AMOTL1: variants seen among roughly 807,000 people sequenced by gnomAD.
AMOTL1 encodes angiomotin-like protein 1.
Under a neutral mutation model 102.9 loss-of-function variants are expected in AMOTL1, and 45 were observed. The ratio of observed to expected loss-of-function variants is 0.44; its 90% CI spans 0.34 to 0.56. The LOEUF is 0.56. Ranked by LOEUF, AMOTL1 falls within the 20% of genes least tolerant of loss-of-function variation. The probability of loss-of-function intolerance (pLI) is 0.01; values close to 1 mark genes in which losing one functional copy is unlikely to be tolerated. For missense variants in AMOTL1, 1,114 were observed against 1,225.6 expected (o/e 0.91, Z 1.36); for synonymous variants, 481 against 484.7 (o/e 0.99, Z 0.10).
chr11:94,858,900 G>A (rs921678243), intron 8 of AMOTL1, among the ~76,000 whole-genome samples: 2 of 152,188 alleles, frequency 1.3e-5, no homozygotes, highest in Non-Finnish European at 2.9e-5. Context: ...TGAAAAGGCC[G>A]AAAAATGAGC....
intron 2 of AMOTL1, among the ~76,000 whole-genome samples, chr11:94,734,561 G>A (rs564393093): frequency 2.0e-5 from 3 of 152,320 alleles, no homozygotes; most frequent in South Asian, 4.1e-4. Flanking sequence ...GTCCTAGGAG[G>A]TGCAGATAAG....
At chr11:94,723,368 T>A (rs1408093755) in intron 1 of AMOTL1, among the ~76,000 whole-genome samples, 2 of 152,120 alleles carry the variant, frequency 1.3e-5, no homozygotes, top group Non-Finnish European at 2.9e-5. Flanking sequence ...GAGTGTGGTC[T>A]CAATGAACCA....
In AMOTL1 at chr11:94,785,895, A is replaced by G. The variant is rs868526242; in HGVS notation, c.50-9116A>G. ...GTTTTCCTTTGTTCAAAAAATATTA[A>G]GTACTTACTGTCTGCATTGAGTATT... On this transcript the variant is annotated intron_variant, in intron 1 of 12. Transcript: ENST00000433060. 1.6e-4 allele frequency among the ~76,000 whole-genome samples: 24 copies of G among 152,278 alleles called. No homozygotes were observed. The Middle Eastern group carries it at 0.014, about 86-fold the overall frequency.
chr11:94,715,960 A>G (rs58748255), intron 1 of AMOTL1, among the ~76,000 whole-genome samples: 1,753 of 152,182 alleles, frequency 0.012, 36 homozygotes, highest in African/African-American at 0.04. Context: ...GCAACACAGT[A>G]TATTTCTTCT....
At chr11:94,829,374 C>T (rs1286642737) in intron 4 of AMOTL1, among the ~76,000 whole-genome samples, 3 of 152,016 alleles carry the variant, frequency 2.0e-5, no homozygotes, top group Non-Finnish European at 4.4e-5. Context: ...AGGTACCCAC[C>T]ACCATGCCCA....
chr11:94,787,619 C>T (rs1319169618), intron 1 of AMOTL1, among the ~76,000 whole-genome samples: 1 of 127,038 alleles, frequency 7.9e-6, no homozygotes, highest in Non-Finnish European at 1.6e-5. Context: ...ACCCGGGAGG[C>T]GGAGCTTGCA....
chr11:94,866,280 C>A, intron 11 of AMOTL1, 112 bp downstream of exon 11: 1 of 1,085,086 alleles, frequency 9.2e-7, no homozygotes, highest in Non-Finnish European at 1.3e-6. Flanking sequence ...TCAGTTTACT[C>A]ATCTGTGAAG....
Position 94,779,536 on chromosome 11 carries a change from A to G in AMOTL1, c.49+10976A>G, listed in dbSNP as rs61281099. Reference sequence around the variant, plus strand: ...TGATGATAGAATTAGTATAAAATGCATTTATATGCTCTATAAGCAAGAGGT... The same window carrying G: ...TGATGATAGAATTAGTATAAAATGCGTTTATATGCTCTATAAGCAAGAGGT... On this transcript the variant is annotated intron_variant, in intron 1 of 12. Coordinates refer to ENST00000433060, the MANE Select transcript of AMOTL1 (RefSeq NM_130847.3). 3.9e-3 allele frequency among the ~76,000 whole-genome samples: 592 copies of G among 152,340 alleles called. 5 individuals carry two copies. Among genetic ancestry groups the G allele is most frequent in the African/African-American group, 0.014 (573 of 41,568 alleles).
intron 1 of AMOTL1, among the ~76,000 whole-genome samples, chr11:94,792,868 A>C (rs781779281): frequency 7.2e-5 from 11 of 152,030 alleles, no homozygotes; most frequent in Admixed American, 3.9e-4. Context: ...TGCTTCAAGG[A>C]TTGCCCTCTT....
chr11:94,764,992 A>T (rs771533219), upstream of AMOTL1, among the ~76,000 whole-genome samples: 3 of 152,196 alleles, frequency 2.0e-5, no homozygotes, highest in African/African-American at 4.8e-5. Flanking sequence ...GGCCCTGCTC[A>T]TTCTCCTCTA....
At chr11:94,809,918 A>G (rs1951641386) in intron 3 of AMOTL1, among the ~76,000 whole-genome samples, 1 of 152,222 alleles carries the variant, frequency 6.6e-6, no homozygotes, top group Non-Finnish European at 1.5e-5. Context: ...TAGAGCTTTT[A>G]TGTATTTTTA....
At chr11:94,801,877 A>T (rs963421827) in intron 3 of AMOTL1, among the ~76,000 whole-genome samples, 1 of 152,154 alleles carries the variant, frequency 6.6e-6, no homozygotes, top group Non-Finnish European at 1.5e-5. Context: ...ACTGCCTATT[A>T]TTGGATGTGT....
intron 1 of AMOTL1, among the ~76,000 whole-genome samples, chr11:94,788,752 A>G (rs1951235420): frequency 6.6e-6 from 1 of 152,204 alleles, no homozygotes; most frequent in Non-Finnish European, 1.5e-5. Context: ...CTTGGACTCA[A>G]TTGTTACTTT....
At chr11:94,769,763 C>T (rs116884779) in intron 1 of AMOTL1, among the ~76,000 whole-genome samples, 4 of 152,170 alleles carry the variant, frequency 2.6e-5, no homozygotes, top group East Asian at 1.9e-4. Context: ...CCCCATGGTC[C>T]CTCAGCTCCC....
chr11:94,789,449 G>A (rs1052854559), intron 1 of AMOTL1, among the ~76,000 whole-genome samples: 1 of 152,184 alleles, frequency 6.6e-6, no homozygotes, highest in Non-Finnish European at 1.5e-5. Flanking sequence ...TTGAGCCACC[G>A]TGCCCGGCAC....
At chr11:94,724,784 A>G (rs530551552) in intron 1 of AMOTL1, among the ~76,000 whole-genome samples, 3 of 152,122 alleles carry the variant, frequency 2.0e-5, no homozygotes, top group African/African-American at 7.2e-5. Flanking sequence ...TTTGTATGTC[A>G]GTATATATAC....
rs138388735 is a variant in AMOTL1, at chr11:94,862,794, T to C, written c.2136-1941T>C. Among the ~76,000 whole-genome samples the C allele has an allele frequency of 2.0e-5, 3 of 152,368 alleles. No individual in the cohort carries two copies. The East Asian group carries it at 5.8e-4, about 29-fold the overall frequency. On this transcript the variant is annotated intron_variant, in intron 9 of 12. Coordinates refer to ENST00000433060, the MANE Select transcript of AMOTL1 (RefSeq NM_130847.3). ...TAGCCACTAATTTCTATATTGATGATTTTGTGCACCATAGTGTGAATTTAT... is the reference window on the plus strand; with the variant it reads ...TAGCCACTAATTTCTATATTGATGACTTTGTGCACCATAGTGTGAATTTAT...
At chr11:94,718,458 T>C (rs1163033012) in intron 1 of AMOTL1, among the ~76,000 whole-genome samples, 1 of 152,034 alleles carries the variant, frequency 6.6e-6, no homozygotes, top group Non-Finnish European at 1.5e-5. Flanking sequence ...CTAAATCAAA[T>C]GACATATGAA....
At chr11:94,795,788 C>T (rs77097586) in intron 2 of AMOTL1, among the ~76,000 whole-genome samples, 7,322 of 152,220 alleles carry the variant, frequency 0.048, 274 homozygotes, top group Non-Finnish European at 0.073. Flanking sequence ...ACATCATTCT[C>T]CTTTGGAAAT....
Sources: allele counts gnomAD v4.1 joint callset (sites outside exome capture counted in the v4.1 genomes callset), GRCh38; gene constraint gnomAD v4.1.1; transcripts MANE v1.5; gene names NCBI Gene and HGNC (gene_info 2026-07-23, HGNC 2026-07-21).